The following AGBL4 variants were observed in gnomAD, a reference collection of about 807,000 sequenced individuals.
AGBL4 encodes cytosolic carboxypeptidase 6.
A neutral mutation model predicts 66.4 loss-of-function variants in AGBL4; 58 were observed. That is an observed-to-expected ratio of 0.87 (90% CI 0.71 to 1.09). The LOEUF is 1.09. Ranked by LOEUF, AGBL4 falls within the 50% of genes least tolerant of loss-of-function variation. The probability of loss-of-function intolerance (pLI) is 0.00; values close to 1 mark genes in which losing one functional copy is unlikely to be tolerated. For synonymous variants in AGBL4, 234 were observed against 222.9 expected (o/e 1.05, Z -0.44); for missense variants, 579 against 631.0 (o/e 0.92, Z 0.88).
intron 2 of AGBL4, among the ~76,000 whole-genome samples, chr1:49,847,566 A>G (rs183043521): frequency 2.0e-5 from 3 of 152,354 alleles, no homozygotes; most frequent in Admixed American, 2.0e-4. Flanking sequence ...AATGTCACAA[A>G]AAAGTAGATA....
chr1:49,958,664 A>G (rs1656845086), intron 1 of AGBL4, among the ~76,000 whole-genome samples: 1 of 134,902 alleles, frequency 7.4e-6, no homozygotes, highest in Non-Finnish European at 1.6e-5. Context: ...TGGACACAGG[A>G]AGTGGAACAT....
chr1:48,799,240 A>T (rs1192746260), intron 6 of AGBL4, among the ~76,000 whole-genome samples: 1 of 151,736 alleles, frequency 6.6e-6, no homozygotes, highest in Admixed American at 6.6e-5. Context: ...TAAGTATTTT[A>T]TTTTATTTTC....
At chr1:49,194,859 T>A (rs1647196521) in intron 4 of AGBL4, among the ~76,000 whole-genome samples, 1 of 151,482 alleles carries the variant, frequency 6.6e-6, no homozygotes, top group African/African-American at 2.4e-5. Context: ...TTTTTTTGAG[T>A]CAGGGTATTT....
intron 1 of AGBL4, among the ~76,000 whole-genome samples, chr1:49,923,029 C>T (rs566417670): frequency 6.6e-5 from 10 of 152,120 alleles, no homozygotes; most frequent in African/African-American, 2.2e-4. Context: ...TAAGCAAAAA[C>T]AACAAAGCTG....
intron 5 of AGBL4, among the ~76,000 whole-genome samples, chr1:49,007,592 G>C (rs1661970311): frequency 6.6e-6 from 1 of 151,798 alleles, no homozygotes; most frequent in African/African-American, 2.4e-5. Flanking sequence ...CACCAAAGTT[G>C]CAATGAAGGA....
At chr1:49,664,097 G>A (rs1646319313) in intron 3 of AGBL4, among the ~76,000 whole-genome samples, 1 of 151,890 alleles carries the variant, frequency 6.6e-6, no homozygotes, top group Admixed American at 6.6e-5. Flanking sequence ...AGAATTCAGG[G>A]GATAAGTCCT....
intron 6 of AGBL4, among the ~76,000 whole-genome samples, chr1:48,804,605 A>T (rs1320603073): frequency 2.6e-5 from 4 of 152,196 alleles, no homozygotes; most frequent in Non-Finnish European, 5.9e-5. Flanking sequence ...GAAATGGTGC[A>T]TCCGGTAAGA....
chr1:49,515,383 AAAC>A (rs1201845499), intron 3 of AGBL4, among the ~76,000 whole-genome samples: 3 of 152,102 alleles, frequency 2.0e-5, no homozygotes, highest in African/African-American at 7.2e-5. Flanking sequence ...AAAAGTCAGG[AAAC>A]AACAGGTGCT....
At chr1:49,139,983 A>G (rs1267940700) in intron 4 of AGBL4, among the ~76,000 whole-genome samples, 1 of 152,170 alleles carries the variant, frequency 6.6e-6, no homozygotes, top group Non-Finnish European at 1.5e-5. Context: ...CAGGTCCACA[A>G]AAAGGGGGCT....
chr1:48,550,154 C>T (rs547988872), intron 11 of AGBL4, among the ~76,000 whole-genome samples: 1 of 152,252 alleles, frequency 6.6e-6, no homozygotes, highest in South Asian at 2.1e-4. Context: ...TTTGGGGTAA[C>T]TATAAGGCTC....
At chr1:48,634,971 T>A (rs781473482) in intron 8 of AGBL4, among the ~76,000 whole-genome samples, 128 of 152,226 alleles carry the variant, frequency 8.4e-4, no homozygotes, top group Non-Finnish European at 1.3e-3. Flanking sequence ...GTGTTCCCAT[T>A]ATGCCTCTTT....
intron 5 of AGBL4, among the ~76,000 whole-genome samples, chr1:48,984,522 C>T (rs1660025761): frequency 6.8e-6 from 1 of 147,856 alleles, no homozygotes; most frequent in Non-Finnish European, 1.5e-5. Context: ...TGGACACTCA[C>T]AGTGCACACT....
chr1:49,390,618 A>G (rs1455975216), intron 3 of AGBL4, among the ~76,000 whole-genome samples: 1 of 152,230 alleles, frequency 6.6e-6, no homozygotes, highest in Non-Finnish European at 1.5e-5. Context: ...AAGTTTCTTA[A>G]CTTGTCTAAG....
chr1:49,576,177 T>C (rs1192132367), intron 3 of AGBL4, among the ~76,000 whole-genome samples: 1 of 152,208 alleles, frequency 6.6e-6, no homozygotes, highest in African/African-American at 2.4e-5. Context: ...CTGGTGGTCC[T>C]ATTTGGATTC....
At chr1:48,899,053 C>T (rs549841829) in intron 5 of AGBL4, among the ~76,000 whole-genome samples, 11 of 152,344 alleles carry the variant, frequency 7.2e-5, no homozygotes, top group African/African-American at 2.6e-4. Context: ...GCTGGGTCAG[C>T]CACGTCGCTG....
chr1:49,060,866 T>C (rs1044513932), intron 4 of AGBL4, among the ~76,000 whole-genome samples: 2 of 152,092 alleles, frequency 1.3e-5, no homozygotes, highest in African/African-American at 4.8e-5. Context: ...GAGTAGATCA[T>C]GAGAGTAGCT....
At chr1:48,722,889 G>A (rs1381736849) in intron 6 of AGBL4, among the ~76,000 whole-genome samples, 1 of 152,142 alleles carries the variant, frequency 6.6e-6, no homozygotes, top group Non-Finnish European at 1.5e-5. Context: ...CAGGATTAGG[G>A]AACTAAGATA....
chr1:48,644,246 C>G (rs1645801265), intron 8 of AGBL4, among the ~76,000 whole-genome samples: 1 of 152,188 alleles, frequency 6.6e-6, no homozygotes, highest in Admixed American at 6.5e-5. Context: ...TTGGAACATG[C>G]TGCCATTCTC....
intron 3 of AGBL4, among the ~76,000 whole-genome samples, chr1:49,649,905 A>C (rs1197918440): frequency 6.6e-6 from 1 of 152,302 alleles, no homozygotes. Flanking sequence ...ATAGGTAAAA[A>C]ATATCAAGAG....
Sources: allele counts gnomAD v4.1 joint callset (sites outside exome capture counted in the v4.1 genomes callset), GRCh38; gene constraint gnomAD v4.1.1; transcripts MANE v1.5; gene names NCBI Gene and HGNC (gene_info 2026-07-23, HGNC 2026-07-21).